The following GRB10 variants were observed in gnomAD, a reference collection of about 807,000 sequenced individuals.
GRB10 encodes the protein growth factor receptor bound protein 10.
GRB10 carries 20 observed loss-of-function variants against 80.9 expected under a neutral mutation model. That is an observed-to-expected ratio of 0.25 (90% CI 0.17 to 0.36). The LOEUF is 0.36. Among genes scored for constraint, GRB10 ranks in the 10% least tolerant of loss-of-function variants. The probability of loss-of-function intolerance (pLI) is 1.00; values close to 1 mark genes in which losing one functional copy is unlikely to be tolerated. For missense variants in GRB10, 548 were observed against 747.7 expected (o/e 0.73, Z 3.12); for synonymous variants, 291 against 291.5 (o/e 1.00, Z 0.02).
chr7:50,645,532 G>A (rs774322647), intron 7 of GRB10: 2 of 851,934 alleles, frequency 2.3e-6, no homozygotes, highest in South Asian at 5.4e-5. Flanking sequence ...AGGATCTGCT[G>A]AGCACCAGCT....
chr7:50,781,933 T>G (rs1324558720), intron 1 of GRB10, among the ~76,000 whole-genome samples: 1 of 152,170 alleles, frequency 6.6e-6, no homozygotes, highest in African/African-American at 2.4e-5. Flanking sequence ...ACTCAAAGCT[T>G]TTTTATACCG....
intron 1 of GRB10, chr7:50,793,080 GC>G (rs1299975511): frequency 1.4e-5 from 2 of 143,956 alleles, no homozygotes; most frequent in African/African-American, 2.5e-5. Flanking sequence ...CGCCCGCCGC[GC>G]CTCCGCGGGG....
In GRB10 at chr7:50,782,228, G is replaced by A. The variant is rs2078360506; in HGVS notation, c.-327+196C>T. ...CTATGGCTGGCGGCAACGAAGCTCGGGATCTCGGACTGCAGCGAGCCCGCG... is the reference window on the plus strand; with the variant it reads ...CTATGGCTGGCGGCAACGAAGCTCGAGATCTCGGACTGCAGCGAGCCCGCG... On this transcript the variant is annotated intron_variant, in intron 1 of 18. Transcript: ENST00000401949. This position sits in a 1 kb window ranked among gnomAD's most constrained non-coding sequence, Gnocchi z 6.6. Among the ~76,000 whole-genome samples, 1 of 151,968 alleles carries A rather than the reference G, an allele frequency of 6.6e-6. No individual in the cohort carries two copies. Among genetic ancestry groups the A allele is most frequent in the African/African-American group, 2.4e-5 (1 of 41,428 alleles).
intron 4 of GRB10, among the ~76,000 whole-genome samples, chr7:50,705,761 C>T (rs1166372489): frequency 6.6e-6 from 1 of 152,222 alleles, no homozygotes; most frequent in Non-Finnish European, 1.5e-5. Flanking sequence ...TAATTCATTT[C>T]ACCAATATCC....
chr7:50,671,165 C>T (rs1586678382), intron 6 of GRB10, among the ~76,000 whole-genome samples: 1 of 152,212 alleles, frequency 6.6e-6, no homozygotes, highest in Non-Finnish European at 1.5e-5. Flanking sequence ...TGAGGCCACG[C>T]GGCCCTGTCT....
At chr7:50,779,547 G>A (rs2078069301) in intron 2 of GRB10, 2 of 152,062 alleles carry the variant, frequency 1.3e-5, no homozygotes. Context: ...TTCCATCTAA[G>A]TAAGGCAGGA....
chr7:50,629,116 C>G (rs2053530315), intron 7 of GRB10, among the ~76,000 whole-genome samples: 1 of 152,190 alleles, frequency 6.6e-6, no homozygotes, highest in African/African-American at 2.4e-5. Flanking sequence ...CTCTTCTTCC[C>G]TGAGTCTCTC....
At chr7:50,597,529 T>C (rs764403695) in intron 17 of GRB10, among the ~76,000 whole-genome samples, 16 of 152,358 alleles carry the variant, frequency 1.1e-4, no homozygotes, top group South Asian at 2.1e-4. Flanking sequence ...GAGGAAAATG[T>C]GGGGCGTCCC....
chr7:50,715,225 C>T (rs1215605308), intron 4 of GRB10, among the ~76,000 whole-genome samples: 1 of 151,512 alleles, frequency 6.6e-6, no homozygotes, highest in African/African-American at 2.4e-5. Flanking sequence ...AGGGCAGGCG[C>T]GATCTGGAGC....
chr7:50,707,072 A>G (rs1208623403), intron 4 of GRB10, among the ~76,000 whole-genome samples: 2 of 152,208 alleles, frequency 1.3e-5, no homozygotes, highest in South Asian at 2.1e-4. Flanking sequence ...GTATAATCCA[A>G]TGTAGTCAAG....
intron 7 of GRB10, among the ~76,000 whole-genome samples, chr7:50,629,484 C>T (rs1563213452): frequency 6.6e-6 from 1 of 152,106 alleles, no homozygotes; most frequent in East Asian, 1.9e-4. Flanking sequence ...CAAAGGCAGG[C>T]ACCTTCCAGC....
At chr7:50,749,158 T>A in intron 3 of GRB10, among the ~76,000 whole-genome samples, 1 of 135,570 alleles carries the variant, frequency 7.4e-6, no homozygotes, top group South Asian at 2.5e-4. Flanking sequence ...AGATGGAGTC[T>A]CACTCTGTCA....
At chr7:50,642,048 GT>G (rs1186643288) in intron 7 of GRB10, among the ~76,000 whole-genome samples, 3 of 152,206 alleles carry the variant, frequency 2.0e-5, no homozygotes, top group African/African-American at 7.2e-5. Context: ...TTCAAAATCT[GT>G]CTCTAACCTA....
intron 7 of GRB10, among the ~76,000 whole-genome samples, chr7:50,636,740 T>C (rs1408488206): frequency 6.6e-6 from 1 of 151,868 alleles, no homozygotes; most frequent in Non-Finnish European, 1.5e-5. Flanking sequence ...TCAAAATAAT[T>C]AGAGCCATAT....
At chr7:50,602,747 C>G (rs1045706588) in intron 17 of GRB10, among the ~76,000 whole-genome samples, 2 of 152,080 alleles carry the variant, frequency 1.3e-5, no homozygotes, top group Admixed American at 6.5e-5. Flanking sequence ...CATGGATTAG[C>G]TTTTAGATGA....
chr7:50,785,252 T>C (rs556765490), upstream of GRB10, among the ~76,000 whole-genome samples: 1 of 152,304 alleles, frequency 6.6e-6, no homozygotes, highest in East Asian at 1.9e-4. Flanking sequence ...TCCTGTCAGC[T>C]TCTGAGCAAT....
upstream of GRB10, among the ~76,000 whole-genome samples, chr7:50,783,280 C>T (rs1207154662): frequency 2.0e-5 from 3 of 152,188 alleles, no homozygotes; most frequent in East Asian, 5.8e-4. Flanking sequence ...GGGAGAGGCT[C>T]TTTCTGGAAG....
chr7:50,686,015 C>T (rs1235351744), intron 5 of GRB10, among the ~76,000 whole-genome samples: 4 of 152,116 alleles, frequency 2.6e-5, no homozygotes, highest in African/African-American at 9.7e-5. Flanking sequence ...AAAACCAGTT[C>T]CTGAGATGCA....
rs191025744 is a variant in GRB10 at position 50,757,829 on chromosome 7, T to G, written c.-216-1773A>C. 5.9e-5 allele frequency among the ~76,000 whole-genome samples: 9 copies of G among 152,348 alleles called. 1 individual carries two copies. Among genetic ancestry groups the G allele is most frequent in the African/African-American group, 2.2e-4 (9 of 41,578 alleles). On this transcript the variant is annotated intron_variant, in intron 2 of 18. Coordinates refer to ENST00000401949, the MANE Select transcript of GRB10 (RefSeq NM_001350814.2). Reference sequence around the variant, plus strand: ...TGTGTCCCATCTCTAGAGAGCCTAATCTTTTCCCCAATTCTGATTCAAATG... The same window carrying G: ...TGTGTCCCATCTCTAGAGAGCCTAAGCTTTTCCCCAATTCTGATTCAAATG...
Sources: gnomAD v4.1 joint callset for allele counts (sites outside exome capture counted in the v4.1 genomes callset) on GRCh38, gnomAD v4.1.1 for gene constraint, Gnocchi (gnomAD v3.1) non-coding constraint, MANE v1.5 for transcripts, NCBI Gene and HGNC (gene_info 2026-07-23, HGNC 2026-07-21) for gene names.